Variants in PRKCE observed in about 807,000 individuals in gnomAD.
The protein encoded by PRKCE is protein kinase C epsilon.
Under a neutral mutation model 85.4 loss-of-function variants are expected in PRKCE, and 16 were observed. The ratio of observed to expected loss-of-function variants is 0.19; its 90% CI spans 0.13 to 0.28. The LOEUF (loss-of-function observed/expected upper bound fraction) is 0.28, where lower values mean the gene tolerates loss of function less well. PRKCE is among the 10% of genes least tolerant of loss of function. The pLI is 1.00. For synonymous variants in PRKCE, 388 were observed against 371.5 expected, an observed-to-expected ratio of 1.04 and a Z score of -0.51; for missense variants, 573 against 975.2, an observed-to-expected ratio of 0.59 and a Z score of 5.49.
At position 45,825,483 on chromosome 2, in the gene PRKCE, A is replaced by G. The variant is rs144476272; in HGVS notation, c.349-17517A>G. Among the ~76,000 whole-genome samples the G allele has an allele frequency of 7.0e-3, 1,070 of 152,342 alleles. 24 individuals are homozygous for G. The highest frequency in any genetic ancestry group is 0.024 in the African/African-American group (1,014 of 41,580). On this transcript the variant is annotated intron_variant, in intron 1 of 14. Transcript: ENST00000306156. ...TTATGCCAACTTGAAACATTAGTTC[A>G]GTTTTCCTACTTTTTTTTTCCCCAC...
chr2:45,953,605 A>C lies in PRKCE; in HGVS notation c.413-22824A>C, dbSNP rs369478294. On this transcript the variant is annotated intron_variant, in intron 2 of 14. Transcript: ENST00000306156. ...GAGTCAGAAAGTCACCGGCTTGATCAGTGCGGTTGTCCCTCGATGCCTCTC... is the reference window on the plus strand; with the variant it reads ...GAGTCAGAAAGTCACCGGCTTGATCCGTGCGGTTGTCCCTCGATGCCTCTC... Among the ~76,000 whole-genome samples the C allele has an allele frequency of 1.1e-4, 17 of 152,326 alleles. No homozygotes were observed. In the East Asian group the frequency reaches 1.7e-3, roughly 16 times the overall value.
chr2:45,853,619 C>T (rs527981989), intron 2 of PRKCE, among the ~76,000 whole-genome samples: 3 of 152,244 alleles, frequency 2.0e-5, no homozygotes, highest in Non-Finnish European at 4.4e-5. Flanking sequence ...TTAGGTGCTG[C>T]GTACACAGTA....
rs558360954 is a variant in PRKCE, at chr2:45,982,300, C to T, written c.693+1919C>T. On this transcript the variant is annotated intron_variant, in intron 5 of 14. Transcript: ENST00000306156. ...TTGTGCAACCACCTTTAATGTGATGCCTGTGCATACACACATCATACACAC... is the reference window on the plus strand; with the variant it reads ...TTGTGCAACCACCTTTAATGTGATGTCTGTGCATACACACATCATACACAC... Among the ~76,000 whole-genome samples, 47 of 152,348 alleles carry T rather than the reference C, an allele frequency of 3.1e-4. 1 individual carries two copies. The highest frequency in any genetic ancestry group is 1.1e-3 in the African/African-American group (45 of 41,584).
chr2:45,790,148 G>A (rs1463939813), intron 1 of PRKCE, among the ~76,000 whole-genome samples: 3 of 152,140 alleles, frequency 2.0e-5, no homozygotes, highest in Non-Finnish European at 4.4e-5. Flanking sequence ...ATTGTCTACC[G>A]TGCATTTTGT....
At chr2:46,146,976 C>G (rs1676129275) in intron 12 of PRKCE, among the ~76,000 whole-genome samples, 2 of 152,198 alleles carry the variant, frequency 1.3e-5, no homozygotes, top group South Asian at 4.2e-4. Context: ...CAGATCCATC[C>G]CAGGAAGAAG....
intron 14 of PRKCE, among the ~76,000 whole-genome samples, chr2:46,163,093 G>A (rs1240106900): frequency 2.6e-5 from 4 of 152,240 alleles, no homozygotes; most frequent in Non-Finnish European, 1.5e-5. Flanking sequence ...CCAACTCAGG[G>A]TTGACCCCGG....
At chr2:46,066,794 G>A (rs1667660910) in intron 10 of PRKCE, among the ~76,000 whole-genome samples, 1 of 152,116 alleles carries the variant, frequency 6.6e-6, no homozygotes, top group Non-Finnish European at 1.5e-5. Context: ...GTGTCTTTGG[G>A]GTGGTGGGAA....
chr2:45,887,510 A>G (rs889456970), intron 2 of PRKCE, among the ~76,000 whole-genome samples: 8 of 152,150 alleles, frequency 5.3e-5, no homozygotes, highest in Non-Finnish European at 8.8e-5. Context: ...TTTCAGGAAT[A>G]AGTACCCCGG....
At chr2:45,669,153 C>A (rs1488403498) in intron 1 of PRKCE, among the ~76,000 whole-genome samples, 1 of 152,152 alleles carries the variant, frequency 6.6e-6, no homozygotes, top group South Asian at 2.1e-4. Context: ...CCCTACTTGG[C>A]TCTTTAAAAA....
chr2:46,183,163 A>G (rs1330824187), intron 14 of PRKCE, among the ~76,000 whole-genome samples: 2 of 152,236 alleles, frequency 1.3e-5, no homozygotes, highest in East Asian at 1.9e-4. Flanking sequence ...AGAGGTGTTC[A>G]TAAACTATTT....
At chr2:45,670,413 C>A (rs1406348578) in intron 1 of PRKCE, among the ~76,000 whole-genome samples, 1 of 152,150 alleles carries the variant, frequency 6.6e-6, no homozygotes, top group East Asian at 1.9e-4. Context: ...TGGATCTCTA[C>A]AACAATTTTA....
At chr2:46,096,271 A>G (rs899437651) in intron 11 of PRKCE, among the ~76,000 whole-genome samples, 1 of 152,244 alleles carries the variant, frequency 6.6e-6, no homozygotes, top group East Asian at 1.9e-4. Flanking sequence ...TGAAAATTAC[A>G]TGAGAAAACA....
intron 2 of PRKCE, among the ~76,000 whole-genome samples, chr2:45,869,646 C>T (rs1342937429): frequency 6.6e-6 from 1 of 151,634 alleles, no homozygotes; most frequent in Non-Finnish European, 1.5e-5. Flanking sequence ...TCCCCCTGGG[C>T]TGTCTGGCCC....
chr2:45,813,054 G>A (rs145310080), intron 1 of PRKCE, among the ~76,000 whole-genome samples: 53 of 152,288 alleles, frequency 3.5e-4, no homozygotes, highest in African/African-American at 1.1e-3. Context: ...TCCTGGCCCC[G>A]CTGGCGGCCC....
chr2:45,867,457 C>T (rs1693702386), intron 2 of PRKCE, among the ~76,000 whole-genome samples: 1 of 152,190 alleles, frequency 6.6e-6, no homozygotes, highest in Admixed American at 6.5e-5. Flanking sequence ...TTGGAGCCTC[C>T]TTCCCTGCTG....
At chr2:45,994,815 C>A (rs1704089292) in intron 6 of PRKCE, among the ~76,000 whole-genome samples, 1 of 152,124 alleles carries the variant, frequency 6.6e-6, no homozygotes, top group African/African-American at 2.4e-5. Context: ...AGTGTAATTG[C>A]TGGATCTTAT....
intron 2 of PRKCE, among the ~76,000 whole-genome samples, chr2:45,850,053 G>A (rs770990239): frequency 6.6e-6 from 1 of 152,156 alleles, no homozygotes; most frequent in Admixed American, 6.5e-5. Context: ...CTTCCAAATA[G>A]CCTCTAGATG....
At chr2:45,690,655 A>T (rs932181735) in intron 1 of PRKCE, among the ~76,000 whole-genome samples, 1 of 152,258 alleles carries the variant, frequency 6.6e-6, no homozygotes, top group African/African-American at 2.4e-5. Context: ...TTACAGATGA[A>T]CCTCTTAAAG....
At chr2:45,933,420 A>G (rs190004440) in intron 2 of PRKCE, among the ~76,000 whole-genome samples, 1 of 135,358 alleles carries the variant, frequency 7.4e-6, no homozygotes. Flanking sequence ...TTCACCTATG[A>G]CTTCTTCCAA....
Sources: allele counts gnomAD v4.1 joint callset (sites outside exome capture counted in the v4.1 genomes callset), GRCh38; gene constraint gnomAD v4.1.1; transcripts MANE v1.5; gene names NCBI Gene and HGNC (gene_info 2026-07-23, HGNC 2026-07-21).